Variants in HSDL2 observed in about 807,000 individuals in gnomAD.
HSDL2 encodes hydroxysteroid dehydrogenase like 2, also known as hydroxysteroid dehydrogenase-like protein 2.
Under a neutral mutation model 46.3 loss-of-function variants are expected in HSDL2, and 27 were observed. The ratio of observed to expected loss-of-function variants is 0.58; its 90% CI spans 0.43 to 0.80. The LOEUF (loss-of-function observed/expected upper bound fraction) is 0.80. Among genes scored for constraint, HSDL2 ranks in the 30% least tolerant of loss-of-function variants. The pLI, the probability that HSDL2 is intolerant of heterozygous loss-of-function variation, is 0.00. For synonymous variants in HSDL2, 153 were observed against 163.6 expected, an observed-to-expected ratio of 0.94 and a Z score of 0.50; for missense variants, 451 against 502.7, an observed-to-expected ratio of 0.90 and a Z score of 0.98.
chr9:112,388,484 G>T (rs1357786765), intron 1 of HSDL2, among the ~76,000 whole-genome samples: 1 of 142,362 alleles, frequency 7.0e-6, no homozygotes. Context: ...AAAAAAATAC[G>T]CCAGGTGTGG....
chr9:112,446,344 C>A (rs1256383620), intron 8 of HSDL2, among the ~76,000 whole-genome samples: 1 of 152,176 alleles, frequency 6.6e-6, no homozygotes, highest in Non-Finnish European at 1.5e-5. Context: ...ACTCTCCAGG[C>A]CTGGCTCAGT....
intron 8 of HSDL2, among the ~76,000 whole-genome samples, chr9:112,449,979 TCTTA>T (rs1285753983): frequency 2.0e-5 from 3 of 152,218 alleles, no homozygotes; most frequent in Non-Finnish European, 4.4e-5. Context: ...TTGTTCCTGT[TCTTA>T]CTTGTTGGGC....
chr9:112,470,442 A>G lies in HSDL2; in HGVS notation c.1155A>G (p.Lys385=). The change falls in exon 11 of 11, where the codon AAA becomes AAG. Residue 385 remains lysine (K), a synonymous_variant. Coordinates refer to ENST00000398805, the MANE Select transcript of HSDL2 (RefSeq NM_032303.5). ...DFVKMFSGKL[K]PTMAFMSGKL... is the part of the protein sequence containing the mutation. ...ATTTTCTCATTTTAGGGAAACTAAA[A>G]CCAACAATGGCATTCATGTCAGGGA... 1.2e-6 allele frequency: 2 copies of G among 1,608,478 alleles called. No homozygotes were observed. Among genetic ancestry groups the G allele is most frequent in the Non-Finnish European group, 1.7e-6 (2 of 1,176,546 alleles).
intron 10 of HSDL2, 130 bp from the exon 11 acceptor site, chr9:112,470,302 T>C (rs1833537048): frequency 2.0e-6 from 1 of 508,648 alleles, no homozygotes; most frequent in Middle Eastern, 4.4e-4. Context: ...TAAAATGCTG[T>C]AACAGAAATT....
chr9:112,380,222 G>A (rs781373568), intron 1 of HSDL2, 42 bp downstream of exon 1: 2 of 1,528,198 alleles, frequency 1.3e-6, no homozygotes, highest in East Asian at 5.0e-5. Context: ...CCTGTCGGGC[G>A]AAGGGCGCGT....
intron 4 of HSDL2, 150 bp downstream of exon 4, chr9:112,409,171 A>G: frequency 2.4e-6 from 1 of 421,140 alleles, no homozygotes; most frequent in East Asian, 3.6e-5. Flanking sequence ...TTCAGTCAAT[A>G]GTATTTTATT....
chr9:112,413,659 G>A (rs907448348), intron 4 of HSDL2, among the ~76,000 whole-genome samples: 3 of 152,042 alleles, frequency 2.0e-5, no homozygotes, highest in Non-Finnish European at 4.4e-5. Context: ...TAGAAGCTTA[G>A]TAGTAAGGTT....
At chr9:112,409,141 A>G (rs1029070127) in intron 4 of HSDL2, 120 bp downstream of exon 4, 50 of 486,476 alleles carry the variant, frequency 1.0e-4, no homozygotes, top group African/African-American at 1.0e-3. Context: ...CAATCCTTAT[A>G]AGGGTCTAAA....
intron 6 of HSDL2, among the ~76,000 whole-genome samples, chr9:112,436,960 CTTTTTTT>C (rs780957603): frequency 1.6e-5 from 2 of 126,782 alleles, no homozygotes; most frequent in South Asian, 5.0e-4. Context: ...TTCTTTTTTT[CTTTTTTT>C]TTTTTTTTTT....
intron 1 of HSDL2, 46 bp downstream of exon 1, chr9:112,380,226 G>C: frequency 6.6e-7 from 1 of 1,521,542 alleles, no homozygotes; most frequent in Non-Finnish European, 8.8e-7. Flanking sequence ...TCGGGCGAAG[G>C]GCGCGTCTCG....
intron 10 of HSDL2, among the ~76,000 whole-genome samples, chr9:112,460,209 A>T (rs1464830481): frequency 2.6e-5 from 4 of 152,234 alleles, no homozygotes; most frequent in Non-Finnish European, 4.4e-5. Context: ...ACTAAGCATA[A>T]CATCCTGATC....
chr9:112,470,610 C>G lies in HSDL2; in HGVS notation c.*66C>G. On this transcript the variant is annotated 3_prime_UTR_variant, in exon 11 of 11. Transcript: ENST00000398805. ...GTAAAAAAAGCTCAACAGTTAAAAT[C>G]TAATGTTTGTTTTCTTTCCTGTTAT... is the stretch of plus-strand genomic sequence containing the variant. 2.4e-6 allele frequency: 2 copies of G among 833,518 alleles called. No homozygotes were observed. Among genetic ancestry groups the G allele is most frequent in the Non-Finnish European group, 3.8e-6 (2 of 521,894 alleles). The allele number at this position is 833,518 out of a possible 1,614,324, so 51.6% of individuals were successfully genotyped here. A position where few individuals can be genotyped will look rare whatever the true frequency, so the allele number is the denominator to read the frequency against.
chr9:112,406,832 T>C (rs1426379148), intron 3 of HSDL2, among the ~76,000 whole-genome samples: 1 of 152,330 alleles, frequency 6.6e-6, no homozygotes, highest in East Asian at 1.9e-4. Flanking sequence ...TAGTATTTCT[T>C]TTCTCCCCAA....
chr9:112,442,200 T>G (rs1177464843), intron 8 of HSDL2, among the ~76,000 whole-genome samples: 1 of 146,300 alleles, frequency 6.8e-6, no homozygotes, highest in African/African-American at 2.5e-5. Context: ...TCCCGGGAAG[T>G]TGAAGTTTCA....
At chr9:112,405,758 G>A in intron 3 of HSDL2, 36 bp downstream of exon 3, 11 of 1,270,954 alleles carry the variant, frequency 8.7e-6, no homozygotes, top group Non-Finnish European at 1.2e-5. Context: ...ATTGGATATT[G>A]GTAAAATAAA....
chr9:112,436,188 G>A (rs1344134833), intron 6 of HSDL2, among the ~76,000 whole-genome samples: 1 of 141,380 alleles, frequency 7.1e-6, no homozygotes, highest in Admixed American at 7.5e-5. Flanking sequence ...AGGCTGCAGA[G>A]AGCCATGATC....
chr9:112,442,341 GA>G (rs900405379), intron 8 of HSDL2, among the ~76,000 whole-genome samples: 3 of 149,076 alleles, frequency 2.0e-5, no homozygotes, highest in Admixed American at 6.7e-5. Context: ...AAACAAGTCT[GA>G]AAAAACTTTT....
In HSDL2 at chr9:112,385,117, C is replaced by CAAT. The variant is rs1386436938; in HGVS notation, c.17+4939_17+4940insTAA. 2.2e-4 allele frequency among the ~76,000 whole-genome samples: 33 copies of CAAT among 151,506 alleles called. 1 individual carries two copies. The East Asian group carries it at 5.2e-3, about 24-fold the overall frequency. Reference sequence around the variant, plus strand: ...GACTGTCAAAAGAAAAACACAACAACAACAACAACAGAACCACTTTAATAT... The same window carrying CAAT: ...GACTGTCAAAAGAAAAACACAACAACAATAACAACAACAGAACCACTTTAATAT... On this transcript the variant is annotated intron_variant, in intron 1 of 10. Transcript: ENST00000398805.
chr9:112,433,681 G>T (rs963320231), intron 6 of HSDL2: 3 of 152,152 alleles, frequency 2.0e-5, no homozygotes, highest in African/African-American at 7.2e-5. Flanking sequence ...ATTTGAGAGG[G>T]TGTTCAGGCT....
Sources: gnomAD v4.1 joint callset for allele counts (sites outside exome capture counted in the v4.1 genomes callset) on GRCh38, gnomAD v4.1.1 for gene constraint, MANE v1.5 for transcripts, NCBI Gene and HGNC (gene_info 2026-07-23, HGNC 2026-07-21) for gene names.